ELFN1: variants seen among roughly 807,000 people sequenced by gnomAD.
ELFN1 encodes protein ELFN1.
A neutral mutation model predicts 7.6 loss-of-function variants in ELFN1; 6 were observed. The ratio of observed to expected loss-of-function variants is 0.79; its 90% CI spans 0.43 to 1.56. ELFN1 has a LOEUF of 1.56. ELFN1 is among the 40% of genes most tolerant of loss of function. ELFN1 has a pLI of 0.01. For synonymous variants in ELFN1, 657 were observed against 588.1 expected (o/e 1.12, Z -1.70); for missense variants, 1,169 against 1,232.2 (o/e 0.95, Z 0.77).
upstream of ELFN1, among the ~76,000 whole-genome samples, chr7:1,669,357 C>A (rs1778717299): frequency 6.6e-6 from 1 of 151,768 alleles, no homozygotes; most frequent in South Asian, 2.1e-4. Context: ...GAGGGGGCGC[C>A]GGCGGGGACG....
intron 1 of ELFN1, among the ~76,000 whole-genome samples, chr7:1,675,804 C>G (rs980065893): frequency 2.0e-5 from 3 of 152,204 alleles, no homozygotes; most frequent in Non-Finnish European, 4.4e-5. Flanking sequence ...AGACACAGCC[C>G]GAAGTAGTGG....
intron 1 of ELFN1, among the ~76,000 whole-genome samples, chr7:1,679,727 G>A (rs1040305125): frequency 6.6e-6 from 1 of 152,200 alleles, no homozygotes; most frequent in African/African-American, 2.4e-5. Flanking sequence ...TGGATGCCAT[G>A]GTGCTCAGAA....
At chr7:1,696,274 G>C (rs1052483024) in intron 2 of ELFN1, among the ~76,000 whole-genome samples, 8 of 147,708 alleles carry the variant, frequency 5.4e-5, no homozygotes, top group African/African-American at 1.6e-4. Flanking sequence ...GAGAGAAAGA[G>C]ATGGAGAGAG....
intron 3 of ELFN1, among the ~76,000 whole-genome samples, chr7:1,731,806 C>T (rs561272136): frequency 1.3e-4 from 20 of 152,172 alleles, no homozygotes; most frequent in Non-Finnish European, 2.6e-4. Context: ...CCCACCACCA[C>T]GCCTGGCTAA....
chr7:1,680,090 A>C (rs1248140223), intron 1 of ELFN1, among the ~76,000 whole-genome samples: 1 of 152,120 alleles, frequency 6.6e-6, no homozygotes, highest in Non-Finnish European at 1.5e-5. Context: ...TCATTCACCT[A>C]CCCAGTGGAC....
rs1474209590 is a variant in ELFN1 at position 1,695,467 on chromosome 7, C to T, written c.-456+7317C>T. On this transcript the variant is annotated intron_variant, in intron 2 of 3. Transcript: ENST00000424383. This position sits in a 1 kb window ranked among gnomAD's most constrained non-coding sequence, Gnocchi z 5.1. ...AACCCCACTTTGAAAACTGTGCAGCCGTGCGCGGCCACTCACACCTGTAAT... is the reference window on the plus strand; with the variant it reads ...AACCCCACTTTGAAAACTGTGCAGCTGTGCGCGGCCACTCACACCTGTAAT... 1.3e-5 allele frequency among the ~76,000 whole-genome samples: 2 copies of T among 152,140 alleles called. No homozygotes were observed. Among genetic ancestry groups the T allele is most frequent in the African/African-American group, 2.4e-5 (1 of 41,416 alleles).
intron 1 of ELFN1, among the ~76,000 whole-genome samples, chr7:1,680,810 C>T (rs1359792189): frequency 4.1e-5 from 6 of 145,948 alleles, no homozygotes; most frequent in East Asian, 4.1e-4. Flanking sequence ...GGTGCGTTCT[C>T]GGCTCACAGC....
rs1408359658 is a variant in ELFN1, at chr7:1,746,483, C to T, written c.1887C>T (p.Ser629=). ...AFGHSLQRHH[S]VEAAGPPRAS... is the part of the protein sequence containing the mutation. Reference sequence around the variant, plus strand: ...GCCACAGCCTGCAGCGGCACCACAGCGTGGAGGCCGCCGGGCCCCCTCGTG... The same window carrying T: ...GCCACAGCCTGCAGCGGCACCACAGTGTGGAGGCCGCCGGGCCCCCTCGTG... Residue 629 remains serine (S), a synonymous_variant, in exon 4 of 4, where the codon AGC becomes AGT. Transcript: ENST00000424383. 15 of 1,504,188 alleles carry T rather than the reference C, an allele frequency of 1.0e-5. No homozygotes were observed. The highest frequency in any genetic ancestry group is 2.6e-5 in the East Asian group (1 of 38,918). The allele number at this position is 1,504,188 out of a possible 1,614,324, so 93.2% of individuals were successfully genotyped here.
In ELFN1 at chr7:1,745,413, G is replaced by T; in HGVS notation, c.817G>T (p.Gly273Cys). 6.5e-7 allele frequency: 1 copy of T among 1,539,154 alleles called. No homozygotes were observed. ...TCCAGCATCCGGGCGCTCACAGCCGGGCCGCTCCCCGCCGCCCCCGCCTCC... is the reference window on the plus strand; with the variant it reads ...TCCAGCATCCGGGCGCTCACAGCCGTGCCGCTCCCCGCCGCCCCCGCCTCC... ...PRPASGRSQP[G>C]RSPPPPPPPE... The change falls in exon 4 of 4, where the codon GGC (glycine) becomes TGC (cysteine). Residue 273 changes from glycine to cysteine, a missense_variant. Gly to Cys is a radical substitution (Grantham distance 159, BLOSUM62 -3). This residue lies in a region of ELFN1 where 914 missense variants were observed against 872.6 expected (regional missense o/e 1.05). Coordinates refer to ENST00000424383, the MANE Select transcript of ELFN1 (RefSeq NM_001128636.4).
chr7:1,733,788 G>A (rs1204191117), intron 3 of ELFN1, among the ~76,000 whole-genome samples: 1 of 152,176 alleles, frequency 6.6e-6, no homozygotes, highest in African/African-American at 2.4e-5. Flanking sequence ...CAGTCATTGT[G>A]GTAATGGTGC....
At chr7:1,699,714 T>C (rs114220147) in intron 2 of ELFN1, among the ~76,000 whole-genome samples, 3,791 of 152,284 alleles carry the variant, frequency 0.025, 157 homozygotes, top group African/African-American at 0.086. Flanking sequence ...TCTCCTACTT[T>C]TTTTTTGGAG....
Position 1,673,395 on chromosome 7 carries a change from C to T in ELFN1, c.-549+3041C>T, listed in dbSNP as rs1778805711. Among the ~76,000 whole-genome samples, 1 of 152,166 alleles carries T rather than the reference C, an allele frequency of 6.6e-6. No individual in the cohort carries two copies. The highest frequency in any genetic ancestry group is 2.4e-5 in the African/African-American group (1 of 41,438). On this transcript the variant is annotated intron_variant, in intron 1 of 3. Transcript: ENST00000424383. This position sits in a 1 kb window ranked among gnomAD's most constrained non-coding sequence, Gnocchi z 4.7. ...GTCGTTGGGGGCTGCTGCCTCCCTT[C>T]ACCCCTGTGCACCCTGAGCCAGTCA...
At chr7:1,668,701 G>A (rs1778708244), upstream of ELFN1, among the ~76,000 whole-genome samples, 1 of 152,246 alleles carries the variant, frequency 6.6e-6, no homozygotes, top group South Asian at 2.1e-4. Flanking sequence ...ACAGGCCCAG[G>A]CCTGGCACAT....
chr7:1,681,007 G>A (rs1778966131), intron 1 of ELFN1, among the ~76,000 whole-genome samples: 1 of 152,182 alleles, frequency 6.6e-6, no homozygotes, highest in Non-Finnish European at 1.5e-5. Flanking sequence ...CTCCCAAAGT[G>A]CTGGGATTAC....
chr7:1,719,756 A>AGG (rs1779959971), intron 3 of ELFN1, among the ~76,000 whole-genome samples: 1 of 152,208 alleles, frequency 6.6e-6, no homozygotes, highest in Non-Finnish European at 1.5e-5. Flanking sequence ...GCCAGGAGCA[A>AGG]ATGGCTAGGA....
chr7:1,741,533 A>G (rs373924671), intron 3 of ELFN1, among the ~76,000 whole-genome samples: 3 of 152,130 alleles, frequency 2.0e-5, no homozygotes, highest in African/African-American at 7.2e-5. Flanking sequence ...CACCACTCCC[A>G]AGGAGTCTGA....
At chr7:1,724,266 C>T (rs892598555) in intron 3 of ELFN1, among the ~76,000 whole-genome samples, 4 of 152,332 alleles carry the variant, frequency 2.6e-5, no homozygotes, top group East Asian at 1.9e-4. Context: ...AACCCTTCAT[C>T]GTGGCTAAGC....
chr7:1,688,969 A>G (rs947131298), intron 2 of ELFN1, among the ~76,000 whole-genome samples: 1 of 152,252 alleles, frequency 6.6e-6, no homozygotes, highest in Non-Finnish European at 1.5e-5. Context: ...TAAACACATC[A>G]TAAGTCAACA....
chr7:1,667,953 C>T (rs1434751210), upstream of ELFN1, among the ~76,000 whole-genome samples: 1 of 132,688 alleles, frequency 7.5e-6, no homozygotes, highest in Non-Finnish European at 1.6e-5. This position sits in a 1 kb window ranked among gnomAD's most constrained non-coding sequence, Gnocchi z 8.2. Context: ...ACGGCGCAGC[C>T]TCCGCTCGGG....
Sources: gnomAD v4.1 joint callset for allele counts (sites outside exome capture counted in the v4.1 genomes callset) on GRCh38, gnomAD v4.1.1 for gene constraint, gnomAD v4.1.1 regional missense constraint, Gnocchi (gnomAD v3.1) non-coding constraint, MANE v1.5 for transcripts, NCBI Gene and HGNC (gene_info 2026-07-23, HGNC 2026-07-21) for gene names.